CHST9: variants seen among roughly 807,000 people sequenced by gnomAD.
The protein encoded by CHST9 is carbohydrate sulfotransferase 9, also known as GalNAc-4-sulfotransferase 2.
Under a neutral mutation model 44.4 loss-of-function variants are expected in CHST9, and 41 were observed. That is an observed-to-expected ratio of 0.92 (90% CI 0.72 to 1.20). The LOEUF (loss-of-function observed/expected upper bound fraction) is 1.20. Ranked by LOEUF, CHST9 falls within the 50% of genes most tolerant of loss-of-function variation. The pLI, the probability that CHST9 is intolerant of heterozygous loss-of-function variation, is 0.00. For synonymous variants in CHST9, 171 were observed against 178.4 expected, an observed-to-expected ratio of 0.96 and a Z score of 0.33; for missense variants, 504 against 516.5, an observed-to-expected ratio of 0.98 and a Z score of 0.23.
In CHST9 at chr18:26,922,044, A is replaced by G. The variant is rs191899599; in HGVS notation, c.241-4694T>C. Among the ~76,000 whole-genome samples, 282 of 152,190 alleles carry G rather than the reference A, an allele frequency of 1.9e-3. 2 individuals are homozygous for G. The highest frequency in any genetic ancestry group is 6.5e-3 in the African/African-American group (268 of 41,528). On this transcript the variant is annotated intron_variant, in intron 5 of 5. Coordinates refer to ENST00000618847, the MANE Select transcript of CHST9 (RefSeq NM_031422.6). ...ATTACTAAATTATTCTTCCCCAAAC[A>G]TTTTGTTTTTTATTTCTTAACATTT...
rs189834638 is a variant in CHST9 at position 27,105,391 on chromosome 18, A to G, written c.121+37298T>C. ...AGAAGACTTCTGTCTTTGTCAGACC[A>G]ATCTGAGGACTCATTGTGATTTAGA... is the stretch of plus-strand genomic sequence containing the variant. On this transcript the variant is annotated intron_variant, in intron 2 of 5. Coordinates refer to ENST00000618847, the MANE Select transcript of CHST9 (RefSeq NM_031422.6). Among the ~76,000 whole-genome samples the G allele has an allele frequency of 4.6e-3, 705 of 152,274 alleles. 1 individual carries two copies. The highest frequency in any genetic ancestry group is 8.0e-3 in the Non-Finnish European group (544 of 68,006).
chr18:27,032,106 C>A (rs2057347246), intron 3 of CHST9, among the ~76,000 whole-genome samples: 1 of 152,110 alleles, frequency 6.6e-6, no homozygotes, highest in Admixed American at 6.6e-5. Flanking sequence ...AACCTTTACA[C>A]CACACGATCT....
chr18:26,956,923 T>C (rs1237611999), intron 4 of CHST9, among the ~76,000 whole-genome samples: 1 of 152,202 alleles, frequency 6.6e-6, no homozygotes, highest in African/African-American at 2.4e-5. Context: ...GCTATTTTTA[T>C]TCACTTTAAA....
intron 3 of CHST9, among the ~76,000 whole-genome samples, chr18:27,029,783 C>A (rs190932645): frequency 3.3e-5 from 5 of 152,054 alleles, no homozygotes; most frequent in African/African-American, 4.8e-5. Flanking sequence ...GTTTTTTCCC[C>A]CAAATATTTT....
chr18:27,082,528 C>A (rs1016505359), intron 2 of CHST9, among the ~76,000 whole-genome samples: 2 of 152,140 alleles, frequency 1.3e-5, no homozygotes, highest in African/African-American at 2.4e-5. Context: ...GTAGCACTCA[C>A]CTTGCCTCAA....
At chr18:27,057,325 A>G (rs2057668141) in intron 2 of CHST9, among the ~76,000 whole-genome samples, 1 of 152,196 alleles carries the variant, frequency 6.6e-6, no homozygotes, top group Non-Finnish European at 1.5e-5. Context: ...CAATTTGAAA[A>G]CCAACTGGTC....
chr18:27,161,282 T>A (rs548899099), intron 1 of CHST9, among the ~76,000 whole-genome samples: 2,922 of 152,224 alleles, frequency 0.019, 84 homozygotes, highest in African/African-American at 0.064. Flanking sequence ...ACTGCTTTAA[T>A]AGTGTCCCAG....
chr18:27,183,308 T>C (rs1403414139), intron 1 of CHST9, among the ~76,000 whole-genome samples: 7 of 152,124 alleles, frequency 4.6e-5, no homozygotes, highest in African/African-American at 7.2e-5. Context: ...AGGATAGTCA[T>C]GGGAATGTAT....
intron 2 of CHST9, among the ~76,000 whole-genome samples, chr18:27,069,703 A>G (rs1461391527): frequency 6.6e-6 from 1 of 152,204 alleles, no homozygotes; most frequent in Admixed American, 6.5e-5. Context: ...TGCTATATTA[A>G]TTCATTGTGA....
At chr18:27,048,434 T>A (rs2057529200) in intron 3 of CHST9, 31 bp downstream of exon 3, 1 of 1,563,552 alleles carries the variant, frequency 6.4e-7, no homozygotes, top group Admixed American at 1.9e-5. Context: ...AATCAGGAAA[T>A]AAAGCTGGAG....
chr18:27,011,139 G>A (rs1373915845), intron 4 of CHST9, among the ~76,000 whole-genome samples: 1 of 152,210 alleles, frequency 6.6e-6, no homozygotes, highest in Non-Finnish European at 1.5e-5. Context: ...TGGGTAATTA[G>A]TGACATGGAA....
At chr18:27,156,505 A>G (rs137879069) in intron 1 of CHST9, among the ~76,000 whole-genome samples, 1,722 of 152,258 alleles carry the variant, frequency 0.011, 28 homozygotes, top group African/African-American at 0.036. Context: ...ATATAAAATC[A>G]AGTGAATTTG....
rs112900828 is a variant in CHST9 at position 26,915,221 on chromosome 18, A to T, written c.*1038T>A. 5.6e-3 allele frequency: 2,069 copies of T among 371,186 alleles called. 42 individuals carry two copies. Among genetic ancestry groups the T allele is most frequent in the African/African-American group, 0.039 (1,867 of 48,088 alleles). The allele number at this position is 371,186 out of a possible 1,614,324, so 23.0% of individuals were successfully genotyped here. A position where few individuals can be genotyped will look rare whatever the true frequency, so the allele number is the denominator to read the frequency against. ...GCTCTTTTTATGTTTATTCTCTAGA[A>T]CATAACCTATCTTTGAAGTGGTATA... On this transcript the variant is annotated 3_prime_UTR_variant, in exon 6 of 6. Coordinates refer to ENST00000618847, the MANE Select transcript of CHST9 (RefSeq NM_031422.6).
At chr18:27,078,350 A>G (rs1403776799) in intron 2 of CHST9, among the ~76,000 whole-genome samples, 1 of 152,164 alleles carries the variant, frequency 6.6e-6, no homozygotes, top group Non-Finnish European at 1.5e-5. Flanking sequence ...AATGCTTCAC[A>G]TTGAAATGTA....
intron 4 of CHST9, among the ~76,000 whole-genome samples, chr18:26,985,221 T>C (rs1339363093): frequency 3.3e-5 from 5 of 152,180 alleles, no homozygotes; most frequent in Non-Finnish European, 5.9e-5. Flanking sequence ...AAGCATATGA[T>C]TAAGCAAAAG....
chr18:26,923,466 G>A (rs1009861447), intron 5 of CHST9, among the ~76,000 whole-genome samples: 9 of 152,172 alleles, frequency 5.9e-5, no homozygotes, highest in Admixed American at 5.9e-4. Context: ...GTTTGAATTT[G>A]ATTGAAGCAA....
At chr18:27,182,935 T>C (rs76269135) in intron 1 of CHST9, among the ~76,000 whole-genome samples, 1,828 of 152,350 alleles carry the variant, frequency 0.012, 39 homozygotes, top group African/African-American at 0.042. Context: ...TTGTAAATTC[T>C]TCCTTGGAAG....
At chr18:26,982,448 C>G (rs538845894) in intron 4 of CHST9, among the ~76,000 whole-genome samples, 11 of 151,450 alleles carry the variant, frequency 7.3e-5, no homozygotes, top group African/African-American at 2.2e-4. Context: ...AACAGTCAAG[C>G]AAACAAAACA....
chr18:26,957,875 T>G (rs972679442), intron 4 of CHST9, among the ~76,000 whole-genome samples: 3 of 151,988 alleles, frequency 2.0e-5, no homozygotes, highest in Non-Finnish European at 4.4e-5. Flanking sequence ...ATTTCTTTCT[T>G]TCTTTTTTGT....
Sources: allele counts gnomAD v4.1 joint callset (sites outside exome capture counted in the v4.1 genomes callset), GRCh38; gene constraint gnomAD v4.1.1; transcripts MANE v1.5; gene names NCBI Gene and HGNC (gene_info 2026-07-23, HGNC 2026-07-21).